The following SLC9A7 variants were observed in gnomAD, a reference collection of about 807,000 sequenced individuals.
SLC9A7 encodes solute carrier family 9 member A7.
In SLC9A7, 19 loss-of-function variants were observed where a neutral mutation model predicts 52.6. The ratio of observed to expected loss-of-function variants is 0.36; its 90% CI spans 0.25 to 0.53. The LOEUF is 0.53. Ranked by LOEUF, SLC9A7 falls within the 20% of genes least tolerant of loss-of-function variation. SLC9A7 has a pLI of 0.91. For missense variants in SLC9A7, 455 were observed against 597.9 expected, an observed-to-expected ratio of 0.76 and a Z score of 2.49; for synonymous variants, 226 against 252.1, an observed-to-expected ratio of 0.90 and a Z score of 0.98.
chrX:46,738,382 T>C (rs1158859331), intron 1 of SLC9A7, among the ~76,000 whole-genome samples: 1 of 112,537 alleles, frequency 8.9e-6, no homozygotes, highest in Non-Finnish European at 1.9e-5. Context: ...ACAGGACTCC[T>C]GTGGAAATGT....
At position 46,717,783 on chromosome X, in the gene SLC9A7, A is replaced by G. The variant is rs182979594; in HGVS notation, c.326-35248T>C. Reference sequence around the variant, plus strand: ...AAGGAGAACTACAAACCACTGCTCAATGAAATAAAAGAGGACACAAACAAA... The same window carrying G: ...AAGGAGAACTACAAACCACTGCTCAGTGAAATAAAAGAGGACACAAACAAA... On this transcript the variant is annotated intron_variant, in intron 1 of 16. Transcript: ENST00000616978. 2.0e-4 allele frequency among the ~76,000 whole-genome samples: 22 copies of G among 111,702 alleles called. 1 individual carries two copies. Among genetic ancestry groups the G allele is most frequent in the African/African-American group, 6.8e-4 (21 of 30,696 alleles).
intron 1 of SLC9A7, among the ~76,000 whole-genome samples, chrX:46,733,470 A>C (rs886267848): frequency 1.4e-4 from 16 of 111,926 alleles, no homozygotes; most frequent in Non-Finnish European, 2.6e-4. Flanking sequence ...ACTATAAAAC[A>C]CTATATACAT....
At chrX:46,725,256 G>T in intron 1 of SLC9A7, 1 of 1,119,005 alleles carries the variant, frequency 8.9e-7, no homozygotes, top group Admixed American at 2.2e-5. Flanking sequence ...TGCAGGTGCA[G>T]ATGCTGTCTC....
In SLC9A7 at chrX:46,759,007, C is replaced by A; in HGVS notation, c.23G>T (p.Arg8Leu). Residue 8 changes from arginine (R) to leucine (L), a missense_variant, in exon 1 of 17, where the codon CGC becomes CTC. By Grantham distance (102) the Arg-to-Leu change is moderately radical. This residue lies in a region of SLC9A7 where 304 missense variants were observed against 417.8 expected (regional missense o/e 0.73). Coordinates refer to ENST00000616978, the MANE Select transcript of SLC9A7 (RefSeq NM_001257291.2). ...CCCGGTAGCCCGACCCGAGCCAGGG[C>A]GCGCCGCGTCACCAGGCTCCATGGT... is the stretch of plus-strand genomic sequence containing the variant. MEPGDAA[R>L]PGSGRATGAP... 2.1e-6 allele frequency: 2 copies of A among 969,747 alleles called. No individual in the cohort carries two copies. Among genetic ancestry groups the A allele is most frequent in the Non-Finnish European group, 1.3e-6 (1 of 779,071 alleles). The allele number at this position is 969,747 out of a possible 1,213,427, so 79.9% of individuals were successfully genotyped here. A position where few individuals can be genotyped will look rare whatever the true frequency, so the allele number is the denominator to read the frequency against.
chrX:46,682,580 G>T (rs771362847), intron 1 of SLC9A7, 45 bp from the exon 2 acceptor site: 1 of 1,087,180 alleles, frequency 9.2e-7, no homozygotes, highest in Admixed American at 2.4e-5. Flanking sequence ...GAAGGATAGA[G>T]AAAGTGTGGA....
chrX:46,625,177 C>T (rs1943105213), intron 14 of SLC9A7, among the ~76,000 whole-genome samples: 1 of 111,192 alleles, frequency 9.0e-6, no homozygotes, highest in Admixed American at 9.5e-5. Context: ...ACATTTCATT[C>T]CATTCTTATA....
intron 1 of SLC9A7, among the ~76,000 whole-genome samples, chrX:46,752,351 C>T (rs1163307584): frequency 6.3e-5 from 7 of 111,284 alleles, no homozygotes; most frequent in Non-Finnish European, 1.3e-4. Context: ...CCTACCTATC[C>T]CCAAAACATC....
At position 46,652,580 on chromosome X, in the gene SLC9A7, G is replaced by C. The variant is rs1051172293; in HGVS notation, c.1147+1029C>G. ...GTTGTGCGAGACAAATGACACACCT[G>C]GGACTTTGCCTACACATTTACAGAT... On this transcript the variant is annotated intron_variant, in intron 8 of 16. Coordinates refer to ENST00000616978, the MANE Select transcript of SLC9A7 (RefSeq NM_001257291.2). 2.7e-5 allele frequency among the ~76,000 whole-genome samples: 3 copies of C among 112,035 alleles called. No homozygotes were observed. The East Asian group carries it at 8.3e-4, about 31-fold the overall frequency.
At chrX:46,752,096 C>A (rs1284558047) in intron 1 of SLC9A7, among the ~76,000 whole-genome samples, 2 of 111,857 alleles carry the variant, frequency 1.8e-5, no homozygotes, top group African/African-American at 6.5e-5. Flanking sequence ...TCACTAGGCA[C>A]CTACATTTAA....
intron 1 of SLC9A7, among the ~76,000 whole-genome samples, chrX:46,695,083 TC>T (rs1306214454): frequency 8.9e-6 from 1 of 112,354 alleles, no homozygotes; most frequent in Non-Finnish European, 1.9e-5. Context: ...GCATGAAGGA[TC>T]CTATTGGGAT....
intron 14 of SLC9A7, among the ~76,000 whole-genome samples, chrX:46,628,647 AC>A (rs1476570990): frequency 1.2e-4 from 13 of 112,337 alleles, no homozygotes; most frequent in African/African-American, 3.9e-4. Flanking sequence ...ATCAAATGTC[AC>A]TTTTTTGTTT....
At chrX:46,633,351 A>AAAAAAAAAAAC (rs1943255859) in intron 13 of SLC9A7, among the ~76,000 whole-genome samples, 1 of 84,019 alleles carries the variant, frequency 1.2e-5, no homozygotes. Context: ...AAAAAAAAAA[A>AAAAAAAAAAAC]AAAAAAAAAA....
At chrX:46,675,060 A>AGTGTGT (rs1332474489) in intron 3 of SLC9A7, among the ~76,000 whole-genome samples, 4 of 39,867 alleles carry the variant, frequency 1.0e-4, no homozygotes, top group Non-Finnish European at 2.2e-4. Flanking sequence ...AGAGAGAGTG[A>AGTGTGT]ATGTGTGTGT....
intron 12 of SLC9A7, 98 bp downstream of exon 12, chrX:46,643,138 T>C (rs1206804823): frequency 1.4e-5 from 11 of 806,774 alleles, no homozygotes; most frequent in Non-Finnish European, 1.9e-5. Context: ...CTGTAAAAGG[T>C]TTCCATGAAC....
chrX:46,600,575 A>G lies in SLC9A7; in HGVS notation c.*6377T>C, dbSNP rs993555175. The G allele has an allele frequency of 4.5e-5, 5 of 112,299 alleles. No homozygotes were observed. Among genetic ancestry groups the G allele is most frequent in the African/African-American group, 1.3e-4 (4 of 30,909 alleles). 9.3% of individuals were successfully genotyped at this position (112,299 alleles called of 1,213,427 possible). A position where few individuals can be genotyped will look rare whatever the true frequency, so the allele number is the denominator to read the frequency against. On this transcript the variant is annotated 3_prime_UTR_variant, in exon 17 of 17. Coordinates refer to ENST00000616978, the MANE Select transcript of SLC9A7 (RefSeq NM_001257291.2). ...ACTATAGTATACCCTGCTTACAAAA[A>G]TAAGACTAACATCAAAAACTTTGGT...
intron 16 of SLC9A7, among the ~76,000 whole-genome samples, chrX:46,610,379 T>C (rs1025889292): frequency 8.9e-6 from 1 of 112,296 alleles, no homozygotes; most frequent in Non-Finnish European, 1.9e-5. Flanking sequence ...CCAAATAAAC[T>C]TGGCAAAGTA....
chrX:46,664,783 G>A (rs1943889747), intron 5 of SLC9A7, among the ~76,000 whole-genome samples: 1 of 109,660 alleles, frequency 9.1e-6, no homozygotes, highest in East Asian at 2.8e-4. Context: ...ACAGGGTCTT[G>A]CTCTGTTGCC....
At chrX:46,744,846 G>GAAC (rs1404639490) in intron 1 of SLC9A7, among the ~76,000 whole-genome samples, 1 of 110,637 alleles carries the variant, frequency 9.0e-6, no homozygotes, top group African/African-American at 3.3e-5. Flanking sequence ...AAACATTGAA[G>GAAC]AACAACCAGA....
chrX:46,675,551 T>C lies in SLC9A7; in HGVS notation c.604-2924A>G, dbSNP rs190584398. On this transcript the variant is annotated intron_variant, in intron 3 of 16. Transcript: ENST00000616978. The stretch of plus-strand genomic sequence containing the variant: ...CATAGCTCTTGTTACAGTCTTTTGT[T>C]GTAATGCTGGGCACTTTAGGCCTCA... Among the ~76,000 whole-genome samples the C allele has an allele frequency of 1.8e-3, 207 of 112,484 alleles. 1 individual carries two copies. Among genetic ancestry groups the C allele is most frequent in the African/African-American group, 6.5e-3 (200 of 30,982 alleles).
Sources: allele counts gnomAD v4.1 joint callset (sites outside exome capture counted in the v4.1 genomes callset), GRCh38; gene constraint gnomAD v4.1.1; regional missense constraint gnomAD v4.1.1; transcripts MANE v1.5; gene names NCBI Gene and HGNC (gene_info 2026-07-23, HGNC 2026-07-21).